The following ESR1 variants were observed in gnomAD, a reference collection of about 807,000 sequenced individuals.
ESR1 encodes estrogen receptor.
A neutral mutation model predicts 52.7 loss-of-function variants in ESR1; 12 were observed. The ratio of observed to expected loss-of-function variants is 0.23; its 90% CI spans 0.15 to 0.37. The LOEUF (loss-of-function observed/expected upper bound fraction) is 0.37. ESR1 is among the 10% of genes least tolerant of loss of function. The pLI is 1.00. For missense variants in ESR1, 584 were observed against 779.7 expected (o/e 0.75, Z 2.99); for synonymous variants, 305 against 316.8 (o/e 0.96, Z 0.39).
At chr6:151,798,318 A>G (rs538741825) in intron 2 of ESR1, among the ~76,000 whole-genome samples, 26 of 152,316 alleles carry the variant, frequency 1.7e-4, no homozygotes, top group Admixed American at 5.9e-4. Flanking sequence ...CGACAGCATG[A>G]TAAGGAAGTA....
At chr6:151,898,280 G>A (rs9479139) in intron 3 of ESR1, among the ~76,000 whole-genome samples, 117,988 of 152,004 alleles carry the variant, frequency 0.78, 46,310 homozygotes, top group African/African-American at 0.87. Context: ...TATCCCCCCA[G>A]ATATGTTTTC....
intron 5 of ESR1, among the ~76,000 whole-genome samples, chr6:152,025,766 C>A (rs1355338074): frequency 6.6e-6 from 1 of 151,900 alleles, no homozygotes; most frequent in Non-Finnish European, 1.5e-5. Flanking sequence ...ATCCTTCATT[C>A]TGCTATCAGT....
chr6:152,115,204 G>A (rs2051196382), intron 6 of ESR1, among the ~76,000 whole-genome samples: 1 of 152,082 alleles, frequency 6.6e-6, no homozygotes, highest in African/African-American at 2.4e-5. Flanking sequence ...TTTATAAAAT[G>A]TAAGAATATA....
chr6:152,041,733 T>C (rs184178651), intron 5 of ESR1, among the ~76,000 whole-genome samples: 3 of 152,332 alleles, frequency 2.0e-5, no homozygotes, highest in Admixed American at 2.0e-4. Context: ...CCAACAAGAT[T>C]ATGACACAAA....
Position 151,829,976 on chromosome 6 carries a change from A to T in ESR1, c.453-12621A>T, listed in dbSNP as rs187397601. Among the ~76,000 whole-genome samples, 237 of 152,332 alleles carry T rather than the reference A, an allele frequency of 1.6e-3. 1 individual carries two copies. The highest frequency in any genetic ancestry group is 4.4e-3 in the African/African-American group (182 of 41,574). On this transcript the variant is annotated intron_variant, in intron 1 of 7. Coordinates refer to ENST00000206249, the MANE Select transcript of ESR1 (RefSeq NM_000125.4). ...GATTCCCAAATAATTTTTGTAGTAA[A>T]AATTTCCATTTGCAATTCTGGACAT... is the stretch of plus-strand genomic sequence containing the variant.
chr6:152,040,605 G>A (rs1216567392), intron 5 of ESR1, among the ~76,000 whole-genome samples: 4 of 152,172 alleles, frequency 2.6e-5, no homozygotes, highest in Non-Finnish European at 2.9e-5. Context: ...CTCCTTCTAA[G>A]CAAAGTGCAC....
Position 151,911,227 on chromosome 6 carries a change from A to G in ESR1, c.760+30456A>G, listed in dbSNP as rs543535860. On this transcript the variant is annotated intron_variant, in intron 3 of 7. Transcript: ENST00000206249. ...GTGTTTGTTCAAATATTTTTTCCTA[A>G]TAGAGACGTATAACTTAGAAAGTAT... Among the ~76,000 whole-genome samples the G allele has an allele frequency of 9.9e-5, 15 of 152,252 alleles. No homozygotes were observed. In the South Asian group the frequency reaches 3.1e-3, roughly 32 times the overall value.
chr6:151,678,901 G>T (rs1332540315), intron 1 of ESR1, among the ~76,000 whole-genome samples: 1 of 151,880 alleles, frequency 6.6e-6, no homozygotes, highest in Non-Finnish European at 1.5e-5. Flanking sequence ...TGACCAGGAT[G>T]GTCTTGATCT....
At chr6:151,994,396 G>C (rs546791758) in intron 4 of ESR1, among the ~76,000 whole-genome samples, 13 of 152,096 alleles carry the variant, frequency 8.5e-5, no homozygotes, top group Non-Finnish European at 1.9e-4. Flanking sequence ...TACTAAATTT[G>C]CAGTAAACTG....
chr6:152,117,229 A>C (rs954027272), intron 6 of ESR1, among the ~76,000 whole-genome samples: 1 of 152,106 alleles, frequency 6.6e-6, no homozygotes, highest in Non-Finnish European at 1.5e-5. Context: ...CCTGCCAATA[A>C]ATGGGGTTTG....
At chr6:151,932,860 T>G (rs1397567143) in intron 3 of ESR1, among the ~76,000 whole-genome samples, 2 of 145,806 alleles carry the variant, frequency 1.4e-5, no homozygotes, top group East Asian at 4.3e-4. Context: ...ACTGTAGCCT[T>G]GTAGTATAGT....
chr6:151,977,682 C>T (rs370384651), intron 4 of ESR1, among the ~76,000 whole-genome samples: 195 of 152,066 alleles, frequency 1.3e-3, no homozygotes, highest in African/African-American at 4.3e-3. Flanking sequence ...GTATTCCCAG[C>T]TACTTGGGAG....
chr6:151,963,994 A>C (rs1037828904), intron 4 of ESR1, among the ~76,000 whole-genome samples: 1 of 151,980 alleles, frequency 6.6e-6, no homozygotes, highest in South Asian at 2.1e-4. Context: ...GTGCGGGTTT[A>C]TTTCTGGGCC....
At chr6:151,992,682 G>A (rs9340945) in intron 4 of ESR1, among the ~76,000 whole-genome samples, 4 of 152,122 alleles carry the variant, frequency 2.6e-5, no homozygotes, top group Admixed American at 1.3e-4. Flanking sequence ...AAAGTGATAC[G>A]TTTCTTGAAG....
intron 5 of ESR1, among the ~76,000 whole-genome samples, chr6:152,034,615 TTC>T (rs1333163647): frequency 1.3e-5 from 2 of 152,122 alleles, no homozygotes; most frequent in Non-Finnish European, 2.9e-5. Flanking sequence ...TTTCTGAGTT[TTC>T]TGTTTCTGAA....
Position 151,916,583 on chromosome 6 carries a change from C to T in ESR1, c.761-27590C>T, listed in dbSNP as rs903438382. 2.3e-4 allele frequency among the ~76,000 whole-genome samples: 35 copies of T among 152,070 alleles called. 1 individual carries two copies. Among genetic ancestry groups the T allele is most frequent in the Admixed American group, 1.1e-3 (17 of 15,268 alleles). ...GTGAGAAGAGTGAGATATTTTCTTT[C>T]GATGACCTCTCTATTAAAATTTGAG... On this transcript the variant is annotated intron_variant, in intron 3 of 7. Coordinates refer to ENST00000206249, the MANE Select transcript of ESR1 (RefSeq NM_000125.4).
chr6:151,682,746 CA>C (rs1480858661), intron 1 of ESR1, among the ~76,000 whole-genome samples: 3 of 152,328 alleles, frequency 2.0e-5, no homozygotes, highest in South Asian at 4.1e-4. Flanking sequence ...ATGAAGTTTT[CA>C]GACTCTTCCT....
chr6:152,029,000 C>T (rs975499134), intron 5 of ESR1, among the ~76,000 whole-genome samples: 3 of 152,238 alleles, frequency 2.0e-5, no homozygotes, highest in South Asian at 2.1e-4. Context: ...CGCTGTTCTG[C>T]AGCCTCCGCT....
intron 2 of ESR1, among the ~76,000 whole-genome samples, chr6:151,754,386 C>G (rs1784127055): frequency 6.7e-6 from 1 of 149,654 alleles, no homozygotes; most frequent in East Asian, 2.0e-4. Context: ...TAGCCTTTGG[C>G]CTGTAAAGTA....
Sources: allele counts gnomAD v4.1 joint callset (sites outside exome capture counted in the v4.1 genomes callset), GRCh38; gene constraint gnomAD v4.1.1; transcripts MANE v1.5; gene names NCBI Gene and HGNC (gene_info 2026-07-23, HGNC 2026-07-21).